Variants in CAMTA1 observed in about 807,000 individuals in gnomAD.
The protein encoded by CAMTA1 is calmodulin-binding transcription activator 1.
In CAMTA1, 27 loss-of-function variants were observed where a neutral mutation model predicts 170.9. That is an observed-to-expected ratio of 0.16 (90% CI 0.12 to 0.22). The LOEUF (loss-of-function observed/expected upper bound fraction) is 0.22. Among genes scored for constraint, CAMTA1 ranks in the 10% least tolerant of loss-of-function variants. CAMTA1 has a pLI of 1.00. For missense variants in CAMTA1, 1,619 were observed against 2,217.2 expected (o/e 0.73, Z 5.42); for synonymous variants, 833 against 891.5 (o/e 0.93, Z 1.17).
At chr1:7,162,983 T>C (rs1647539633) in intron 4 of CAMTA1, among the ~76,000 whole-genome samples, 1 of 151,918 alleles carries the variant, frequency 6.6e-6, no homozygotes. Context: ...GGAAAATAGA[T>C]TGTAGGCAGC....
intron 6 of CAMTA1, among the ~76,000 whole-genome samples, chr1:7,572,884 G>A (rs958560933): frequency 2.0e-5 from 3 of 152,180 alleles, no homozygotes; most frequent in Non-Finnish European, 2.9e-5. Context: ...ATAAGAAACC[G>A]CACCTGTGAT....
At chr1:7,384,094 A>G (rs972542567) in intron 5 of CAMTA1, among the ~76,000 whole-genome samples, 1 of 152,212 alleles carries the variant, frequency 6.6e-6, no homozygotes, top group Admixed American at 6.5e-5. Flanking sequence ...TGGGAAAGAA[A>G]AGGTGGCAGG....
chr1:7,125,575 A>G (rs978935560), intron 4 of CAMTA1, among the ~76,000 whole-genome samples: 6 of 152,174 alleles, frequency 3.9e-5, no homozygotes, highest in Non-Finnish European at 7.3e-5. Flanking sequence ...AGAGGCCCCA[A>G]GGAGGAGTAG....
intron 7 of CAMTA1, among the ~76,000 whole-genome samples, chr1:7,651,053 G>A (rs547531074): frequency 7.9e-5 from 12 of 152,306 alleles, no homozygotes; most frequent in South Asian, 4.2e-4. Flanking sequence ...CCTCCGGCAC[G>A]TGGTTCATAA....
Position 6,971,746 on chromosome 1 carries a change from C to G in CAMTA1, c.235-119558C>G, listed in dbSNP as rs76067820. Among the ~76,000 whole-genome samples, 2 of 152,112 alleles carry G rather than the reference C, an allele frequency of 1.3e-5. No individual in the cohort carries two copies. Among genetic ancestry groups the G allele is most frequent in the African/African-American group, 4.8e-5 (2 of 41,410 alleles). On this transcript the variant is annotated intron_variant, in intron 3 of 22. Transcript: ENST00000303635. This position sits in a 1 kb window ranked among gnomAD's most constrained non-coding sequence, Gnocchi z 4.6. ...GTGATTGGTGTGGATTCCTGCTCTC[C>G]GAAGGAAAAAGGAAAGAGAAGAAAA...
chr1:7,513,086 C>T (rs2094224715), intron 6 of CAMTA1, among the ~76,000 whole-genome samples: 1 of 150,962 alleles, frequency 6.6e-6, no homozygotes, highest in African/African-American at 2.4e-5. Flanking sequence ...GCCCCCTTCA[C>T]TGCAGGGACA....
At chr1:7,493,334 C>T (rs1167396239) in intron 6 of CAMTA1, among the ~76,000 whole-genome samples, 4 of 150,132 alleles carry the variant, frequency 2.7e-5, no homozygotes, top group Non-Finnish European at 5.9e-5. Context: ...TACGTACACA[C>T]ACATGCACAC....
chr1:6,842,395 C>T (rs1656186206), intron 3 of CAMTA1, among the ~76,000 whole-genome samples: 4 of 152,220 alleles, frequency 2.6e-5, no homozygotes, highest in Admixed American at 2.6e-4. Context: ...GGGTGGTTCG[C>T]AGCCCTGCTG....
intron 5 of CAMTA1, among the ~76,000 whole-genome samples, chr1:7,430,380 A>G (rs2092099332): frequency 6.6e-6 from 1 of 151,668 alleles, no homozygotes; most frequent in Non-Finnish European, 1.5e-5. Context: ...GATGGTGACC[A>G]TGGTGGTGAA....
intron 6 of CAMTA1, among the ~76,000 whole-genome samples, chr1:7,555,066 C>T (rs1303709244): frequency 6.6e-6 from 1 of 152,090 alleles, no homozygotes; most frequent in African/African-American, 2.4e-5. Flanking sequence ...CCCCAAGTGC[C>T]TTTCAGCCTG....
chr1:7,131,035 C>A (rs1454119028), intron 4 of CAMTA1, among the ~76,000 whole-genome samples: 1 of 151,746 alleles, frequency 6.6e-6, no homozygotes, highest in Non-Finnish European at 1.5e-5. Flanking sequence ...CTCACTGCAA[C>A]CTCTGCCTCC....
chr1:7,465,724 T>C (rs991944332), intron 5 of CAMTA1, among the ~76,000 whole-genome samples: 4 of 152,176 alleles, frequency 2.6e-5, no homozygotes, highest in African/African-American at 9.7e-5. Flanking sequence ...TGGGCCTTCC[T>C]CTTCTTTTGT....
intron 6 of CAMTA1, among the ~76,000 whole-genome samples, chr1:7,498,832 C>A (rs1021911388): frequency 1.0e-4 from 14 of 137,160 alleles, no homozygotes; most frequent in African/African-American, 3.9e-4. Flanking sequence ...ATGGTGTGAG[C>A]CTGGTGTGCG....
At chr1:7,457,484 T>C (rs976367285) in intron 5 of CAMTA1, among the ~76,000 whole-genome samples, 5 of 151,852 alleles carry the variant, frequency 3.3e-5, no homozygotes, top group Non-Finnish European at 5.9e-5. Context: ...CTAGGTTAGG[T>C]CCCCTGCCCC....
At chr1:7,531,650 C>A (rs1473085669) in intron 6 of CAMTA1, among the ~76,000 whole-genome samples, 1 of 152,254 alleles carries the variant, frequency 6.6e-6, no homozygotes, top group East Asian at 1.9e-4. Flanking sequence ...AGGAGAGGAG[C>A]CTCCCTCTCG....
At chr1:7,150,527 G>A (rs193268199) in intron 4 of CAMTA1, among the ~76,000 whole-genome samples, 1 of 152,080 alleles carries the variant, frequency 6.6e-6, no homozygotes, top group Admixed American at 6.5e-5. Flanking sequence ...GGCCATCCTG[G>A]GCATGGAAGC....
intron 4 of CAMTA1, among the ~76,000 whole-genome samples, chr1:7,172,782 GC>G (rs935947909): frequency 6.6e-6 from 1 of 152,200 alleles, no homozygotes; most frequent in Non-Finnish European, 1.5e-5. Context: ...CTAGGACCAT[GC>G]CCGTGATGGC....
At chr1:7,186,095 A>G (rs772755124) in intron 4 of CAMTA1, among the ~76,000 whole-genome samples, 3 of 152,216 alleles carry the variant, frequency 2.0e-5, no homozygotes, top group Non-Finnish European at 4.4e-5. Flanking sequence ...GCCTTACTCT[A>G]AAACAGTTCA....
chr1:7,536,170 C>T lies in CAMTA1; in HGVS notation c.510+68269C>T, dbSNP rs376593844. 3.2e-4 allele frequency among the ~76,000 whole-genome samples: 49 copies of T among 152,284 alleles called. 1 individual carries two copies. The South Asian group carries it at 8.9e-3, about 28-fold the overall frequency. On this transcript the variant is annotated intron_variant, in intron 6 of 22. Transcript: ENST00000303635. ...CCAGAGGTGACATTCCAGCCCCCGTCATCGTGTGTATTAAGTGACAGGGCT... is the reference window on the plus strand; with the variant it reads ...CCAGAGGTGACATTCCAGCCCCCGTTATCGTGTGTATTAAGTGACAGGGCT...
Sources: gnomAD v4.1 joint callset for allele counts (sites outside exome capture counted in the v4.1 genomes callset) on GRCh38, gnomAD v4.1.1 for gene constraint, Gnocchi (gnomAD v3.1) non-coding constraint, MANE v1.5 for transcripts, NCBI Gene and HGNC (gene_info 2026-07-23, HGNC 2026-07-21) for gene names.